GPC5: variants seen among roughly 807,000 people sequenced by gnomAD.
The protein encoded by GPC5 is glypican 5.
Under a neutral mutation model 53.9 loss-of-function variants are expected in GPC5, and 47 were observed. The observed-to-expected ratio is 0.87, with a 90% CI of 0.69 to 1.11. The LOEUF is 1.11. Among genes scored for constraint, GPC5 ranks in the 50% most tolerant of loss-of-function variants. The pLI, the probability that GPC5 is intolerant of heterozygous loss-of-function variation, is 0.00. For missense variants in GPC5, 748 were observed against 713.1 expected (o/e 1.05, Z -0.56); for synonymous variants, 286 against 263.3 (o/e 1.09, Z -0.84).
intron 7 of GPC5, among the ~76,000 whole-genome samples, chr13:92,218,101 A>C (rs1386328330): frequency 6.6e-6 from 1 of 151,660 alleles, no homozygotes; most frequent in Non-Finnish European, 1.5e-5. Context: ...TTTTTAAAAA[A>C]AAATTTAGTA....
intron 7 of GPC5, among the ~76,000 whole-genome samples, chr13:92,842,161 C>T (rs1284388108): frequency 6.6e-6 from 1 of 152,032 alleles, no homozygotes; most frequent in African/African-American, 2.4e-5. Context: ...TACAATATCC[C>T]TCAATGTATG....
rs9523448 is a variant in GPC5 at position 91,919,926 on chromosome 13, A to G, written c.1401+11869A>G. ...GACTCTTCTTTGAAGCAACTGATCA[A>G]TTCTAGACACAATAATTCCATGTAC... On this transcript the variant is annotated intron_variant, in intron 6 of 7. Transcript: ENST00000377067. 4.9e-3 allele frequency among the ~76,000 whole-genome samples: 743 copies of G among 152,302 alleles called. 2 individuals carry two copies. Among genetic ancestry groups the G allele is most frequent in the Non-Finnish European group, 8.2e-3 (560 of 68,024 alleles).
At chr13:92,478,557 TG>T (rs1879234492) in intron 7 of GPC5, among the ~76,000 whole-genome samples, 1 of 152,186 alleles carries the variant, frequency 6.6e-6, no homozygotes, top group South Asian at 2.1e-4. Context: ...AATATCGCAG[TG>T]GTAATTTTTA....
At chr13:91,399,327 G>A in intron 1 of GPC5, 118 bp downstream of exon 1, 1 of 1,268,984 alleles carries the variant, frequency 7.9e-7, no homozygotes, top group Non-Finnish European at 1.1e-6. Flanking sequence ...AGCCGCGCAG[G>A]GTGAATCCCG....
chr13:91,504,199 A>G (rs1884813890), intron 2 of GPC5, among the ~76,000 whole-genome samples: 1 of 152,122 alleles, frequency 6.6e-6, no homozygotes, highest in Non-Finnish European at 1.5e-5. Flanking sequence ...ATTAAATATG[A>G]AAGCATCCTT....
At chr13:92,732,366 A>T (rs754530236) in intron 7 of GPC5, among the ~76,000 whole-genome samples, 2 of 151,530 alleles carry the variant, frequency 1.3e-5, no homozygotes, top group Non-Finnish European at 3.0e-5. Flanking sequence ...CCTCCTTTGA[A>T]CACCAAATAT....
Position 92,004,458 on chromosome 13 carries a change from TTATATATATA to T in GPC5, c.1401+96424_1401+96433del, listed in dbSNP as rs58376767. Among the ~76,000 whole-genome samples, 258 of 82,476 alleles carry T rather than the reference TTATATATATA, an allele frequency of 3.1e-3. 3 individuals carry two copies. The highest frequency in any genetic ancestry group is 0.014 in the Middle Eastern group (2 of 138). The allele number at this position is 82,476 out of a possible 152,430, so 54.1% of individuals were successfully genotyped here. A position where few individuals can be genotyped will look rare whatever the true frequency, so the allele number is the denominator to read the frequency against. On this transcript the variant is annotated intron_variant, in intron 6 of 7. Transcript: ENST00000377067. Reference sequence around the variant, plus strand: ...GACTCCGTCTCAAAAAAAAAAAAAATTATATATATATATATATATATATATATATATAATT... The same window carrying T: ...GACTCCGTCTCAAAAAAAAAAAAAATTATATATATATATATATATATAATT...
At chr13:92,324,585 A>T (rs2043237809) in intron 7 of GPC5, among the ~76,000 whole-genome samples, 1 of 151,928 alleles carries the variant, frequency 6.6e-6, no homozygotes, top group South Asian at 2.1e-4. Flanking sequence ...TCTGGCTGGC[A>T]TAATAAATAA....
chr13:91,768,114 T>C (rs909137618), intron 5 of GPC5, among the ~76,000 whole-genome samples: 4 of 152,174 alleles, frequency 2.6e-5, no homozygotes, highest in Non-Finnish European at 4.4e-5. Context: ...AGCATATAAA[T>C]TCACTGTTGA....
At chr13:92,102,889 C>G (rs941113144) in intron 6 of GPC5, among the ~76,000 whole-genome samples, 2 of 152,084 alleles carry the variant, frequency 1.3e-5, no homozygotes, top group Admixed American at 1.3e-4. Flanking sequence ...AGGGGAGAAG[C>G]AGGATCTCTG....
chr13:92,009,253 C>CGTGTGTGT (rs3059952), intron 6 of GPC5, among the ~76,000 whole-genome samples: 10,614 of 139,700 alleles, frequency 0.076, 475 homozygotes, highest in Non-Finnish European at 0.097. Flanking sequence ...GCTGGATTTT[C>CGTGTGTGT]GTGTGTGTGT....
intron 2 of GPC5, among the ~76,000 whole-genome samples, chr13:91,554,861 A>T (rs1324406270): frequency 6.6e-6 from 1 of 152,090 alleles, no homozygotes; most frequent in African/African-American, 2.4e-5. Flanking sequence ...CATAACACAC[A>T]GGCGGAAGCC....
chr13:92,828,771 T>G (rs1273244255), intron 7 of GPC5, among the ~76,000 whole-genome samples: 1 of 152,042 alleles, frequency 6.6e-6, no homozygotes, highest in African/African-American at 2.4e-5. Context: ...AGACGTCCAC[T>G]AAAATTTCAT....
chr13:92,365,235 T>C (rs1441794568), intron 7 of GPC5, among the ~76,000 whole-genome samples: 6 of 151,756 alleles, frequency 4.0e-5, no homozygotes, highest in Non-Finnish European at 7.3e-5. Context: ...TAGTACGTTA[T>C]TGTACTAAAT....
chr13:91,684,545 T>G lies in GPC5; in HGVS notation c.326-8642T>G, dbSNP rs777600920. Among the ~76,000 whole-genome samples the G allele has an allele frequency of 2.0e-5, 3 of 152,148 alleles. No homozygotes were observed. In the South Asian group the frequency reaches 6.2e-4, roughly 32 times the overall value. ...TCCCTCCAAACAAACCACAAGTTAT[T>G]TTGCCTGTGATTCAGTACATATGGA... On this transcript the variant is annotated intron_variant, in intron 2 of 7. Coordinates refer to ENST00000377067, the MANE Select transcript of GPC5 (RefSeq NM_004466.6).
At chr13:91,502,557 C>T (rs1387447278) in intron 2 of GPC5, among the ~76,000 whole-genome samples, 1 of 152,068 alleles carries the variant, frequency 6.6e-6, no homozygotes, top group Non-Finnish European at 1.5e-5. Flanking sequence ...CCTGGCAGGG[C>T]AGGGTTAGAA....
intron 7 of GPC5, among the ~76,000 whole-genome samples, chr13:92,690,299 CG>C: frequency 1.2e-5 from 1 of 83,158 alleles, no homozygotes; most frequent in Non-Finnish European, 2.1e-5. Context: ...CTTCCCTTCT[CG>C]CTTCATTTCA....
intron 7 of GPC5, among the ~76,000 whole-genome samples, chr13:92,655,803 A>G (rs1442500089): frequency 6.6e-6 from 1 of 152,194 alleles, no homozygotes; most frequent in Admixed American, 6.5e-5. Context: ...TAACTCTCAT[A>G]GTAGCCTAAG....
intron 7 of GPC5, among the ~76,000 whole-genome samples, chr13:92,374,710 G>C (rs1362431237): frequency 6.9e-6 from 1 of 144,304 alleles, no homozygotes; most frequent in Non-Finnish European, 1.5e-5. Flanking sequence ...TGGTGGGGTT[G>C]GGGGAGGGGG....
Sources: gnomAD v4.1 joint callset for allele counts (sites outside exome capture counted in the v4.1 genomes callset) on GRCh38, gnomAD v4.1.1 for gene constraint, MANE v1.5 for transcripts, NCBI Gene and HGNC (gene_info 2026-07-23, HGNC 2026-07-21) for gene names.